KIF26B: variants seen among roughly 807,000 people sequenced by gnomAD.
KIF26B encodes kinesin-like protein KIF26B.
KIF26B carries 63 observed loss-of-function variants against 151.2 expected under a neutral mutation model. The observed-to-expected ratio is 0.42, with a 90% confidence interval of 0.34 to 0.51. The LOEUF (loss-of-function observed/expected upper bound fraction) is 0.51, where lower values mean the gene tolerates loss of function less well. KIF26B is among the 20% of genes least tolerant of loss of function. KIF26B has a pLI of 0.07. For missense variants in KIF26B, 2,813 were observed against 2,913.6 expected (o/e 0.97, Z 0.79); for synonymous variants, 1,357 against 1,262.1 (o/e 1.08, Z -1.59).
intron 4 of KIF26B, among the ~76,000 whole-genome samples, chr1:245,455,407 G>A (rs1314787253): frequency 6.6e-6 from 1 of 152,148 alleles, no homozygotes; most frequent in African/African-American, 2.4e-5. Flanking sequence ...GGGAGGCTGA[G>A]GCAGGAGAGT....
intron 4 of KIF26B, among the ~76,000 whole-genome samples, chr1:245,478,330 C>A (rs12747330): frequency 0.18 from 26,863 of 151,138 alleles, 2,793 homozygotes; most frequent in East Asian, 0.26. Context: ...GTGTGTTTTT[C>A]TTTCTTGGGT....
rs12022823 is a variant in KIF26B, at chr1:245,203,729, G to A, written c.465+47046G>A. On this transcript the variant is annotated intron_variant, in intron 2 of 14. Transcript: ENST00000407071. Reference sequence around the variant, plus strand: ...CTCCCTGGAGGTGCCGCATGAAAGCGCTTTTCCCTGGACGTTCAGTTCCCT... The same window carrying A: ...CTCCCTGGAGGTGCCGCATGAAAGCACTTTTCCCTGGACGTTCAGTTCCCT... Among the ~76,000 whole-genome samples the A allele has an allele frequency of 5.6e-3, 850 of 151,220 alleles. 38 individuals are homozygous for A. In the East Asian group the frequency reaches 0.13, roughly 23 times the overall value.
intron 5 of KIF26B, among the ~76,000 whole-genome samples, chr1:245,588,199 A>T (rs539286489): frequency 6.6e-6 from 1 of 152,288 alleles, no homozygotes; most frequent in East Asian, 1.9e-4. Context: ...ACAGACTGGG[A>T]TTAGGTAATT....
intron 4 of KIF26B, among the ~76,000 whole-genome samples, chr1:245,456,647 G>A (rs913998605): frequency 1.3e-5 from 2 of 151,784 alleles, no homozygotes; most frequent in African/African-American, 4.8e-5. Flanking sequence ...AGGATATTTG[G>A]GTTTTTCTTA....
intron 4 of KIF26B, among the ~76,000 whole-genome samples, chr1:245,515,487 CT>C (rs1225547979): frequency 1.1e-5 from 1 of 88,598 alleles, no homozygotes; most frequent in Non-Finnish European, 3.0e-5. Context: ...CCTGCCCTGC[CT>C]CAGGTCTTGA....
intron 5 of KIF26B, among the ~76,000 whole-genome samples, chr1:245,555,728 T>C (rs892240840): frequency 6.6e-6 from 1 of 152,124 alleles, no homozygotes; most frequent in Non-Finnish European, 1.5e-5. Flanking sequence ...ACACAGAGCA[T>C]GTCAGGTCTC....
chr1:245,294,694 C>G (rs115176321), intron 2 of KIF26B, among the ~76,000 whole-genome samples: 1 of 152,176 alleles, frequency 6.6e-6, no homozygotes, highest in Non-Finnish European at 1.5e-5. Context: ...GAGTCCCGCT[C>G]TGTTACCCAG....
Position 245,244,844 on chromosome 1 carries a change from G to A in KIF26B, c.465+88161G>A, listed in dbSNP as rs1401342746. The stretch of plus-strand genomic sequence containing the variant: ...TAGTCCTCCTGTTATTCCTATGAAC[G>A]ATTCCTTCTGTTCTTCTAAGTCCCT... On this transcript the variant is annotated intron_variant, in intron 2 of 14. Transcript: ENST00000407071. This position sits in a 1 kb window ranked among gnomAD's most constrained non-coding sequence, Gnocchi z 4.2. 2.0e-5 allele frequency among the ~76,000 whole-genome samples: 3 copies of A among 150,990 alleles called. No individual in the cohort carries two copies. Among genetic ancestry groups the A allele is most frequent in the Non-Finnish European group, 2.9e-5 (2 of 67,868 alleles).
intron 5 of KIF26B, among the ~76,000 whole-genome samples, chr1:245,555,287 C>T (rs1487626833): frequency 1.3e-5 from 2 of 152,070 alleles, no homozygotes; most frequent in Admixed American, 6.6e-5. Context: ...GAAATTCAAA[C>T]TGTGATGCCT....
At chr1:245,388,972 T>G (rs1673621195) in intron 3 of KIF26B, among the ~76,000 whole-genome samples, 1 of 152,228 alleles carries the variant, frequency 6.6e-6, no homozygotes, top group South Asian at 2.1e-4. Flanking sequence ...GAAGTCAGGC[T>G]TGCAGTAAAA....
chr1:245,213,087 T>G (rs1026659715), intron 2 of KIF26B, among the ~76,000 whole-genome samples: 1 of 152,230 alleles, frequency 6.6e-6, no homozygotes, highest in Non-Finnish European at 1.5e-5. Flanking sequence ...GTGCTGTTTT[T>G]TCCAATTAAC....
intron 4 of KIF26B, among the ~76,000 whole-genome samples, chr1:245,444,408 C>T (rs938042432): frequency 1.2e-4 from 19 of 152,044 alleles, no homozygotes; most frequent in African/African-American, 3.9e-4. Flanking sequence ...CTGGGCTAAG[C>T]AGCAGCGTGG....
chr1:245,645,538 G>A (rs1007127063), intron 9 of KIF26B, among the ~76,000 whole-genome samples: 1 of 152,176 alleles, frequency 6.6e-6, no homozygotes, highest in African/African-American at 2.4e-5. Context: ...TGATTCTACT[G>A]TGGGAACTGA....
At chr1:245,299,444 G>A (rs1397317940) in intron 2 of KIF26B, among the ~76,000 whole-genome samples, 2 of 151,318 alleles carry the variant, frequency 1.3e-5, no homozygotes, top group Non-Finnish European at 2.9e-5. Context: ...CTATCAGATG[G>A]TATTTTCATA....
chr1:245,394,515 T>C (rs1183396), intron 3 of KIF26B, among the ~76,000 whole-genome samples: 99,204 of 151,742 alleles, frequency 0.65, 32,434 homozygotes, highest in South Asian at 0.71. Flanking sequence ...CTCAGTTACT[T>C]GGAAGGCTGA....
intron 2 of KIF26B, among the ~76,000 whole-genome samples, chr1:245,187,036 T>C (rs1045697102): frequency 2.6e-5 from 4 of 152,072 alleles, no homozygotes; most frequent in African/African-American, 4.8e-5. Context: ...TTTGTATTTT[T>C]AGTAGAGACA....
intron 2 of KIF26B, among the ~76,000 whole-genome samples, chr1:245,361,663 G>A (rs1410359776): frequency 6.6e-6 from 1 of 152,188 alleles, no homozygotes; most frequent in East Asian, 1.9e-4. Context: ...GGGTGCAGGG[G>A]TGCACCTGCG....
At chr1:245,182,477 C>T (rs185881677) in intron 2 of KIF26B, among the ~76,000 whole-genome samples, 9 of 152,146 alleles carry the variant, frequency 5.9e-5, no homozygotes, top group Non-Finnish European at 7.4e-5. Flanking sequence ...ATTCACCAGT[C>T]GATGGCTATG....
intron 2 of KIF26B, among the ~76,000 whole-genome samples, chr1:245,354,498 G>C (rs1672639524): frequency 6.6e-6 from 1 of 152,220 alleles, no homozygotes; most frequent in Non-Finnish European, 1.5e-5. Flanking sequence ...TGAACAGCTG[G>C]TGACACTGTC....
Sources: allele counts gnomAD v4.1 joint callset (sites outside exome capture counted in the v4.1 genomes callset), GRCh38; gene constraint gnomAD v4.1.1; non-coding constraint Gnocchi (gnomAD v3.1); transcripts MANE v1.5; gene names NCBI Gene and HGNC (gene_info 2026-07-23, HGNC 2026-07-21).